Variants in NT5E observed in about 807,000 individuals in gnomAD.
The protein encoded by NT5E is 5'-nucleotidase.
A neutral mutation model predicts 55.1 loss-of-function variants in NT5E; 53 were observed. That is an observed-to-expected ratio of 0.96 (90% CI 0.77 to 1.21). NT5E has a LOEUF of 1.21. NT5E is among the 50% of genes most tolerant of loss of function. The pLI is 0.00. For synonymous variants in NT5E, 270 were observed against 278.4 expected (o/e 0.97, Z 0.30); for missense variants, 683 against 724.3 (o/e 0.94, Z 0.65).
chr6:85,489,411 C>T, intron 5 of NT5E, 83 bp from the exon 6 acceptor site: 3 of 944,102 alleles, frequency 3.2e-6, no homozygotes, highest in Non-Finnish European at 5.2e-6. Flanking sequence ...TTTATTTCCT[C>T]ACTAGAGCTA....
intron 1 of NT5E, among the ~76,000 whole-genome samples, chr6:85,455,884 T>A (rs1001411943): frequency 6.6e-6 from 1 of 152,144 alleles, no homozygotes; most frequent in Non-Finnish European, 1.5e-5. Flanking sequence ...CTGTGTTCAG[T>A]GTGACAGTAG....
chr6:85,450,496 G>T lies in NT5E; in HGVS notation c.339+18G>T. Reference sequence around the variant, plus strand: ...ATGCCATGGTAAGACCCGAGCCCGCGCCCGGGATAGTAGTCCCGGACTGAG... The same window carrying T: ...ATGCCATGGTAAGACCCGAGCCCGCTCCCGGGATAGTAGTCCCGGACTGAG... On this transcript the variant is annotated intron_variant, in intron 1 of 8. Transcript: ENST00000257770. The surrounding 1 kb of genome is among the most constrained non-coding windows in gnomAD (Gnocchi z 4.0). 1 of 1,568,186 alleles carries T rather than the reference G, an allele frequency of 6.4e-7. No individual in the cohort carries two copies. Among genetic ancestry groups the T allele is most frequent in the African/African-American group, 1.3e-5 (1 of 74,480 alleles).
chr6:85,475,925 T>TA (rs551022860), intron 3 of NT5E, among the ~76,000 whole-genome samples: 2 of 151,726 alleles, frequency 1.3e-5, no homozygotes, highest in East Asian at 1.9e-4. Context: ...TTTGGGGAAA[T>TA]AAAAAAAAAT....
chr6:85,487,225 TAAAC>T, intron 4 of NT5E, 106 bp from the exon 5 acceptor site: 1 of 1,053,386 alleles, frequency 9.5e-7, no homozygotes. Context: ...ACAAATATGG[TAAAC>T]AAATATGTTC....
In NT5E at chr6:85,490,611, C is replaced by T. The variant is rs754492406; in HGVS notation, c.1314C>T (p.Ser438=). The change falls in exon 7 of 9, where the codon AGC becomes AGT. Residue 438 remains serine (S), a synonymous_variant. Coordinates refer to ENST00000257770, the MANE Select transcript of NT5E (RefSeq NM_002526.4). ...CCCTGAAGAAGGCCTTTGAGCATAG[C>T]GTGCACCGCTACGGCCAGTCCACTG... is the stretch of plus-strand genomic sequence containing the variant. ...GSTLKKAFEH[S]VHRYGQSTGE... is the part of the protein sequence containing the mutation. The T allele has an allele frequency of 1.2e-5, 20 of 1,614,082 alleles. No homozygotes were observed. The highest frequency in any genetic ancestry group is 1.0e-4 in the Admixed American group (6 of 60,010).
In NT5E at chr6:85,494,534, C is replaced by T. The variant is rs1000702311; in HGVS notation, c.*530C>T. On this transcript the variant is annotated 3_prime_UTR_variant, in exon 9 of 9. Coordinates refer to ENST00000257770, the MANE Select transcript of NT5E (RefSeq NM_002526.4). Reference sequence around the variant, plus strand: ...GACCTAGGTCTTTTGAACTCAAGTCCAGCATTCTCAACTATATCAAGTTAC... The same window carrying T: ...GACCTAGGTCTTTTGAACTCAAGTCTAGCATTCTCAACTATATCAAGTTAC... The T allele has an allele frequency of 6.3e-6, 1 of 159,108 alleles. No homozygotes were observed. Among genetic ancestry groups the T allele is most frequent in the African/African-American group, 2.4e-5 (1 of 41,476 alleles). 9.9% of individuals were successfully genotyped at this position (159,108 alleles called of 1,614,324 possible). A position where few individuals can be genotyped will look rare whatever the true frequency, so the allele number is the denominator to read the frequency against.
chr6:85,461,333 C>T (rs553909909), intron 1 of NT5E, among the ~76,000 whole-genome samples: 1 of 152,338 alleles, frequency 6.6e-6, no homozygotes, highest in African/African-American at 2.4e-5. Context: ...CACAGTCTTT[C>T]TGGCCTGGAG....
At chr6:85,490,789 C>T in intron 7 of NT5E, 132 bp downstream of exon 7, 1 of 946,342 alleles carries the variant, frequency 1.1e-6, no homozygotes, top group Non-Finnish European at 1.6e-6. Context: ...AACACCAATA[C>T]CTTACCCTTT....
In NT5E at chr6:85,489,511, A is replaced by G; in HGVS notation, c.1122A>G (p.Arg374=). ...ICDAMINNNL[R]HTDEMFWNHV... Reference sequence around the variant, plus strand: ...TGTTGCAGATTAACAACAACCTGAGACACACGGATGAAATGTTCTGGAACC... The same window carrying G: ...TGTTGCAGATTAACAACAACCTGAGGCACACGGATGAAATGTTCTGGAACC... The change falls in exon 6 of 9, where the codon AGA becomes AGG. Residue 374 remains arginine, a synonymous_variant. Transcript: ENST00000257770. 3.1e-6 allele frequency: 5 copies of G among 1,613,270 alleles called. No individual in the cohort carries two copies. Among genetic ancestry groups the G allele is most frequent in the Non-Finnish European group, 4.2e-6 (5 of 1,179,334 alleles).
intron 6 of NT5E, among the ~76,000 whole-genome samples, chr6:85,489,932 T>C (rs1191044629): frequency 6.6e-6 from 1 of 152,208 alleles, no homozygotes; most frequent in Non-Finnish European, 1.5e-5. Flanking sequence ...AGTCACCACC[T>C]TGGCATCTGA....
chr6:85,464,413 C>T (rs1398976385), intron 1 of NT5E, among the ~76,000 whole-genome samples: 3 of 152,106 alleles, frequency 2.0e-5, no homozygotes, highest in African/African-American at 7.2e-5. Context: ...CACTGCCATT[C>T]CAGAGGAAAC....
chr6:85,493,016 G>T (rs1240403530), intron 8 of NT5E, among the ~76,000 whole-genome samples: 3 of 152,136 alleles, frequency 2.0e-5, no homozygotes, highest in African/African-American at 7.2e-5. Flanking sequence ...AGGCGTAAAA[G>T]CCCCATGAGA....
Position 85,450,215 on chromosome 6 carries a change from G to A in NT5E, c.76G>A (p.Ala26Thr). ...LGAVLWPAAGAWELTILHTND... is the reference protein window; with the variant it reads ...LGAVLWPAAGTWELTILHTND... ...CGCGGTGCTGTGGCCTGCGGCTGGC[G>A]CCTGGGAGCTTACGATTTTGCACAC... The change falls in exon 1 of 9, where the codon GCC (alanine) becomes ACC (threonine). Residue 26 changes from alanine to threonine, a missense_variant. Physicochemically the swap from Ala to Thr is moderately conservative, Grantham distance 58 (BLOSUM62 0). Transcript: ENST00000257770. The surrounding 1 kb of genome is among the most constrained non-coding windows in gnomAD (Gnocchi z 4.0). 6.2e-7 allele frequency: 1 copy of A among 1,608,790 alleles called. No homozygotes were observed.
At chr6:85,483,011 G>C (rs917828563) in intron 3 of NT5E, among the ~76,000 whole-genome samples, 1 of 152,220 alleles carries the variant, frequency 6.6e-6, no homozygotes. Context: ...GATCATGAAG[G>C]TCTTTCCAAA....
intron 4 of NT5E, 27 bp from the exon 5 acceptor site, chr6:85,487,308 T>C (rs1769687624): frequency 6.2e-7 from 1 of 1,600,128 alleles, no homozygotes. Context: ...GATTTAATTG[T>C]AGGGTACCTT....
intron 3 of NT5E, among the ~76,000 whole-genome samples, chr6:85,480,435 T>C (rs1306184185): frequency 1.3e-5 from 2 of 152,222 alleles, no homozygotes; most frequent in Non-Finnish European, 2.9e-5. Context: ...GGTACAGAGA[T>C]GACTGAAGAG....
At position 85,485,394 on chromosome 6, in the gene NT5E, A is replaced by G. The variant is rs746869902; in HGVS notation, c.911A>G (p.His304Arg). The G allele has an allele frequency of 1.9e-6, 3 of 1,614,218 alleles. No homozygotes were observed. The highest frequency in any genetic ancestry group is 2.2e-5 in the South Asian group (2 of 91,080). Reference protein sequence around the residue: ...FDERGNVISSHGNPILLNSSI... With the variant: ...FDERGNVISSRGNPILLNSSI... ...GAAAGAGGAAACGTCATCTCTTCCC[A>G]TGGAAATCCCATTCTTCTAAACAGC... is the stretch of plus-strand genomic sequence containing the variant. The change falls in exon 4 of 9, where the codon CAT becomes CGT. Residue 304 changes from histidine (H) to arginine (R), a missense_variant. Transcript: ENST00000257770.
At position 85,450,271 on chromosome 6, in the gene NT5E, C is replaced by T; in HGVS notation, c.132C>T (p.Thr44=). Residue 44 remains threonine, a synonymous_variant, in exon 1 of 9, where the codon ACC becomes ACT. Coordinates refer to ENST00000257770, the MANE Select transcript of NT5E (RefSeq NM_002526.4). The surrounding 1 kb of genome is among the most constrained non-coding windows in gnomAD (Gnocchi z 4.0). ...ACGTGCACAGCCGGCTGGAGCAGAC[C>T]AGCGAGGACTCCAGCAAGTGCGTCA... ...TNDVHSRLEQ[T]SEDSSKCVNA... 6.2e-7 allele frequency: 1 copy of T among 1,608,832 alleles called. No individual in the cohort carries two copies. The highest frequency in any genetic ancestry group is 1.1e-5 in the South Asian group (1 of 89,996).
intron 1 of NT5E, among the ~76,000 whole-genome samples, chr6:85,456,084 C>T (rs4400191): frequency 0.17 from 25,186 of 152,132 alleles, 2,325 homozygotes; most frequent in African/African-American, 0.24. Context: ...AGATTGAGTT[C>T]GGTCTCCAAC....
Sources: allele counts gnomAD v4.1 joint callset (sites outside exome capture counted in the v4.1 genomes callset), GRCh38; gene constraint gnomAD v4.1.1; non-coding constraint Gnocchi (gnomAD v3.1); transcripts MANE v1.5; gene names NCBI Gene and HGNC (gene_info 2026-07-23, HGNC 2026-07-21).